Variants in CYRIB observed in about 807,000 individuals in gnomAD.
CYRIB encodes the protein CYFIP-related Rac1 interactor B.
A neutral mutation model predicts 44.2 loss-of-function variants in CYRIB; 8 were observed. The ratio of observed to expected loss-of-function variants is 0.18; its 90% CI spans 0.11 to 0.33. The LOEUF (loss-of-function observed/expected upper bound fraction) is 0.33, where lower values mean the gene tolerates loss of function less well. Among genes scored for constraint, CYRIB ranks in the 10% least tolerant of loss-of-function variants. CYRIB has a pLI of 1.00. For missense variants in CYRIB, 185 were observed against 382.8 expected, an observed-to-expected ratio of 0.48 and a Z score of 4.31; for synonymous variants, 131 against 127.2, an observed-to-expected ratio of 1.03 and a Z score of -0.20.
At chr8:129,873,239 A>G (rs553801682) in intron 3 of CYRIB, among the ~76,000 whole-genome samples, 1 of 152,092 alleles carries the variant, frequency 6.6e-6, no homozygotes, top group East Asian at 1.9e-4. Context: ...ATACAAGAGG[A>G]GCCAATTGAA....
At chr8:129,967,050 T>A (rs1315284464) in intron 2 of CYRIB, among the ~76,000 whole-genome samples, 1 of 152,158 alleles carries the variant, frequency 6.6e-6, no homozygotes, top group Non-Finnish European at 1.5e-5. Context: ...ATTAGTGCAG[T>A]GGCCCATAAT....
In CYRIB at chr8:129,859,425, C is replaced by A. The variant is rs545686815; in HGVS notation, c.301+2804G>T. Among the ~76,000 whole-genome samples the A allele has an allele frequency of 4.6e-4, 70 of 152,196 alleles. No individual in the cohort carries two copies. In the South Asian group the frequency reaches 0.01, roughly 22 times the overall value. On this transcript the variant is annotated intron_variant, in intron 5 of 11. Coordinates refer to ENST00000519824, the Ensembl canonical transcript of CYRIB. Reference sequence around the variant, plus strand: ...GCAGGTGGGCCTGACTAATGTCAGGCCCTCCACAGGAGGTGGAGGAGCAGA... The same window carrying A: ...GCAGGTGGGCCTGACTAATGTCAGGACCTCCACAGGAGGTGGAGGAGCAGA...
intron 4 of CYRIB, among the ~76,000 whole-genome samples, chr8:129,869,262 T>C (rs184294147): frequency 7.3e-5 from 11 of 150,942 alleles, no homozygotes; most frequent in Admixed American, 6.6e-5. Flanking sequence ...GGTGCATGCC[T>C]GTAATCCCAG....
intron 2 of CYRIB, among the ~76,000 whole-genome samples, chr8:129,897,924 C>T (rs2135443557): frequency 6.6e-6 from 1 of 152,096 alleles, no homozygotes; most frequent in South Asian, 2.1e-4. Context: ...TGCCAATACG[C>T]CCGGCTGATT....
At chr8:129,840,541 C>T (rs1002930221) in exon 12 of CYRIB, 3 of 152,162 alleles carry the variant, frequency 2.0e-5, no homozygotes, top group African/African-American at 7.2e-5. Flanking sequence ...CAGCCTATTA[C>T]ACTATTCTTA....
At chr8:129,966,393 G>A (rs1013007807) in intron 2 of CYRIB, among the ~76,000 whole-genome samples, 2 of 152,228 alleles carry the variant, frequency 1.3e-5, no homozygotes, top group South Asian at 2.1e-4. Context: ...ATCAGTAGTA[G>A]AATGAGTATG....
intron 4 of CYRIB, among the ~76,000 whole-genome samples, chr8:129,869,097 A>G (rs1056040014): frequency 6.6e-6 from 1 of 151,000 alleles, no homozygotes; most frequent in African/African-American, 2.4e-5. Context: ...AAGAAGAAAG[A>G]AAAAAAGGCT....
At chr8:129,850,781 A>G (rs1367306657) in intron 9 of CYRIB, 54 bp downstream of exon 11, 11 of 1,224,816 alleles carry the variant, frequency 9.0e-6, no homozygotes, top group Non-Finnish European at 1.2e-5. Context: ...ATGTTTTGAA[A>G]TATCAGTCAT....
intron 2 of CYRIB, among the ~76,000 whole-genome samples, chr8:129,967,443 G>A (rs1466817357): frequency 4.0e-5 from 6 of 151,240 alleles, no homozygotes; most frequent in African/African-American, 9.7e-5. Flanking sequence ...GCAGTGGCGC[G>A]ATCTCGGCTC....
At chr8:129,897,629 A>G (rs768221045) in intron 2 of CYRIB, among the ~76,000 whole-genome samples, 4 of 150,680 alleles carry the variant, frequency 2.7e-5, no homozygotes, top group South Asian at 2.1e-4. Flanking sequence ...AGTAGAGTTT[A>G]TAAGTGATTT....
At chr8:129,855,776 A>C (rs2045921916) in intron 5 of CYRIB, 29 bp from the exon 8 acceptor site, 11 of 1,582,484 alleles carry the variant, frequency 7.0e-6, no homozygotes, top group Non-Finnish European at 9.5e-6. Context: ...AAAAACATTA[A>C]GTTGTTTGTA....
At chr8:130,001,525 CT>C (rs1325066581) in intron 1 of CYRIB, among the ~76,000 whole-genome samples, 2,971 of 120,342 alleles carry the variant, frequency 0.025, 31 homozygotes, top group African/African-American at 0.082. Flanking sequence ...AAAATAATTT[CT>C]TTTTTTTTTT....
At chr8:129,914,175 G>A (rs150858925) in intron 1 of CYRIB, among the ~76,000 whole-genome samples, 1 of 152,288 alleles carries the variant, frequency 6.6e-6, no homozygotes, top group East Asian at 1.9e-4. Flanking sequence ...AACTGAAGGA[G>A]AGGATTTGCC....
At chr8:129,855,390 C>CAA (rs200820053) in intron 6 of CYRIB, among the ~76,000 whole-genome samples, 2,293 of 102,288 alleles carry the variant, frequency 0.022, 77 homozygotes, top group African/African-American at 0.073. Flanking sequence ...GGCTCTGCCT[C>CAA]AAAAAAAAAA....
chr8:130,014,722 C>A (rs2097303214), intron 1 of CYRIB, among the ~76,000 whole-genome samples: 1 of 152,222 alleles, frequency 6.6e-6, no homozygotes, highest in Admixed American at 6.5e-5. Context: ...TGTGCTGGAA[C>A]CCACTTCAGC....
At chr8:129,954,525 G>A (rs1564385673) in intron 2 of CYRIB, among the ~76,000 whole-genome samples, 1 of 151,938 alleles carries the variant, frequency 6.6e-6, no homozygotes, top group African/African-American at 2.4e-5. Flanking sequence ...GCCTGGCCTA[G>A]TTTTTTAATT....
chr8:130,014,679 G>A (rs2097302573), intron 1 of CYRIB, among the ~76,000 whole-genome samples: 2 of 152,126 alleles, frequency 1.3e-5, no homozygotes, highest in African/African-American at 4.8e-5. Context: ...AACATATATT[G>A]GCCTTTATCT....
chr8:129,993,188 C>T (rs929797501), intron 1 of CYRIB, among the ~76,000 whole-genome samples: 2 of 151,684 alleles, frequency 1.3e-5, no homozygotes, highest in East Asian at 1.9e-4. Flanking sequence ...GTCAGGAGTT[C>T]GAGACCAGCC....
intron 1 of CYRIB, among the ~76,000 whole-genome samples, chr8:129,977,758 T>A (rs1244005943): frequency 1.3e-5 from 2 of 152,238 alleles, no homozygotes; most frequent in Admixed American, 6.5e-5. Flanking sequence ...GGTCTCGATC[T>A]CCTGACCTCG....
Sources: allele counts gnomAD v4.1 joint callset (sites outside exome capture counted in the v4.1 genomes callset), GRCh38; gene constraint gnomAD v4.1.1; transcripts MANE v1.5; gene names NCBI Gene and HGNC (gene_info 2026-07-23, HGNC 2026-07-21).